CPA6: variants seen among roughly 807,000 people sequenced by gnomAD.
CPA6 encodes carboxypeptidase A6, also known as carboxypeptidase B.
In CPA6, 58 loss-of-function variants were observed where a neutral mutation model predicts 63.3. The ratio of observed to expected loss-of-function variants is 0.92; its 90% CI spans 0.74 to 1.14. The LOEUF is 1.14. Among genes scored for constraint, CPA6 ranks in the 50% most tolerant of loss-of-function variants. The pLI is 0.00. For missense variants in CPA6, 565 were observed against 526.6 expected (o/e 1.07, Z -0.71); for synonymous variants, 185 against 179.0 (o/e 1.03, Z -0.27).
At chr8:67,718,635 CAT>C (rs1817429727) in intron 1 of CPA6, among the ~76,000 whole-genome samples, 1 of 151,216 alleles carries the variant, frequency 6.6e-6, no homozygotes, top group South Asian at 2.1e-4. Context: ...GTTATCTGCA[CAT>C]AGACAGCTGA....
Position 67,620,050 on chromosome 8 carries a change from C to G in CPA6, c.192+4126G>C, listed in dbSNP as rs1815044618. On this transcript the variant is annotated intron_variant, in intron 2 of 10. Coordinates refer to ENST00000297770, the MANE Select transcript of CPA6 (RefSeq NM_020361.5). ...CTCCAGGCTTATGTGGCAGAATCCA[C>G]TTGCTTGTGTTTGGAGGACTGATGT... Among the ~76,000 whole-genome samples, 4 of 152,352 alleles carry G rather than the reference C, an allele frequency of 2.6e-5. No homozygotes were observed. The South Asian group carries it at 8.3e-4, about 32-fold the overall frequency.
intron 2 of CPA6, among the ~76,000 whole-genome samples, chr8:67,539,867 TCTAAAC>T (rs1205612753): frequency 2.0e-5 from 3 of 152,188 alleles, no homozygotes; most frequent in African/African-American, 7.2e-5. Context: ...TACGTTCTTC[TCTAAAC>T]TGGTTATTCT....
intron 6 of CPA6, among the ~76,000 whole-genome samples, chr8:67,489,692 T>C (rs1811563787): frequency 6.6e-6 from 1 of 152,172 alleles, no homozygotes; most frequent in Non-Finnish European, 1.5e-5. Flanking sequence ...ACTATATGTG[T>C]TCATTGGATT....
chr8:67,599,583 G>A (rs1166444720), intron 2 of CPA6, among the ~76,000 whole-genome samples: 1 of 152,112 alleles, frequency 6.6e-6, no homozygotes, highest in Admixed American at 6.6e-5. Flanking sequence ...CTGATCTGTT[G>A]GCCTCACTTT....
At chr8:67,669,335 T>G (rs1190055710) in intron 1 of CPA6, among the ~76,000 whole-genome samples, 1 of 152,196 alleles carries the variant, frequency 6.6e-6, no homozygotes, top group Non-Finnish European at 1.5e-5. Flanking sequence ...CAACTGATTA[T>G]TATTTCAAAA....
chr8:67,579,353 C>T (rs1454923814), intron 2 of CPA6, among the ~76,000 whole-genome samples: 7 of 152,142 alleles, frequency 4.6e-5, no homozygotes, highest in Non-Finnish European at 8.8e-5. Context: ...TTGGAGGTTG[C>T]AGTGAGCCGA....
intron 8 of CPA6, among the ~76,000 whole-genome samples, chr8:67,461,554 C>A (rs1163411243): frequency 6.6e-6 from 1 of 152,278 alleles, no homozygotes; most frequent in East Asian, 1.9e-4. Flanking sequence ...GTCATCCCGG[C>A]CCGTTCTCAA....
rs118152446 is a variant in CPA6, at chr8:67,695,436, C to T, written c.116+50578G>A. 2.4e-3 allele frequency among the ~76,000 whole-genome samples: 369 copies of T among 152,304 alleles called. 1 individual carries two copies. Among genetic ancestry groups the T allele is most frequent in the Middle Eastern group, 3.4e-3 (1 of 294 alleles). ...ACCTCTTACATCATGGAAGGGATAGCATTTTGTTATTACCCAAACAGACAT... is the reference window on the plus strand; with the variant it reads ...ACCTCTTACATCATGGAAGGGATAGTATTTTGTTATTACCCAAACAGACAT... On this transcript the variant is annotated intron_variant, in intron 1 of 10. Coordinates refer to ENST00000297770, the MANE Select transcript of CPA6 (RefSeq NM_020361.5).
intron 1 of CPA6, among the ~76,000 whole-genome samples, chr8:67,674,349 G>A (rs1351449126): frequency 6.6e-6 from 1 of 152,190 alleles, no homozygotes; most frequent in East Asian, 1.9e-4. Context: ...AAGCCCCTTA[G>A]CTGTAACAAG....
At chr8:67,648,188 C>G (rs1489605581) in intron 1 of CPA6, among the ~76,000 whole-genome samples, 1 of 149,992 alleles carries the variant, frequency 6.7e-6, no homozygotes, top group Non-Finnish European at 1.5e-5. Context: ...TATACTCTGC[C>G]TATGTACCGC....
chr8:67,447,105 C>T (rs12677200), intron 8 of CPA6, among the ~76,000 whole-genome samples: 1 of 151,388 alleles, frequency 6.6e-6, no homozygotes, highest in South Asian at 2.1e-4. Context: ...TATATATACA[C>T]ATATATATAC....
intron 2 of CPA6, chr8:67,569,879 A>T: frequency 1.1e-5 from 2 of 185,660 alleles, no homozygotes; most frequent in Non-Finnish European, 1.1e-5. Context: ...ACATTCAAGG[A>T]AACATGTAGC....
intron 2 of CPA6, among the ~76,000 whole-genome samples, chr8:67,546,235 T>A (rs1490384425): frequency 6.6e-6 from 1 of 152,188 alleles, no homozygotes; most frequent in Non-Finnish European, 1.5e-5. Flanking sequence ...CCCAGGCAAT[T>A]GTAGGAACCT....
In CPA6 at chr8:67,649,106, AT is replaced by A. The variant is rs970164774; in HGVS notation, c.117-24856del. The stretch of plus-strand genomic sequence containing the variant: ...GCAAAAGAGCAGTGCAAGGCATTGG[AT>A]TTTTTTTTTCATGGAAAGACGAAAA... On this transcript the variant is annotated intron_variant, in intron 1 of 10. Coordinates refer to ENST00000297770, the MANE Select transcript of CPA6 (RefSeq NM_020361.5). 6.3e-3 allele frequency among the ~76,000 whole-genome samples: 947 copies of A among 149,790 alleles called. 7 individuals carry two copies. The highest frequency in any genetic ancestry group is 0.02 in the African/African-American group (821 of 40,890).
At position 67,426,000 on chromosome 8, in the gene CPA6, G is replaced by C. The variant is rs1046201554; in HGVS notation, c.1126+2047C>G. 5.3e-5 allele frequency among the ~76,000 whole-genome samples: 8 copies of C among 151,666 alleles called. 1 individual carries two copies. Among genetic ancestry groups the C allele is most frequent in the African/African-American group, 1.2e-4 (5 of 41,282 alleles). On this transcript the variant is annotated intron_variant, in intron 10 of 10. Coordinates refer to ENST00000297770, the MANE Select transcript of CPA6 (RefSeq NM_020361.5). ...CAATCTCTGCTCCTGGGGTTCAAGA[G>C]ATTCTCCTGCCTCAGCCTCCTGATT...
In CPA6 at chr8:67,705,629, A is replaced by G. The variant is rs138270458; in HGVS notation, c.116+40385T>C. On this transcript the variant is annotated intron_variant, in intron 1 of 10. Transcript: ENST00000297770. ...AGATGGGTGTCTGCTTAATATTCAC[A>G]TGATCTCTGAATTCATCTTTCCCTT... Among the ~76,000 whole-genome samples the G allele has an allele frequency of 2.1e-3, 315 of 152,278 alleles. 4 individuals carry two copies. The highest frequency in any genetic ancestry group is 0.011 in the South Asian group (55 of 4,826).
At chr8:67,661,837 C>A (rs1044784208) in intron 1 of CPA6, among the ~76,000 whole-genome samples, 4 of 152,168 alleles carry the variant, frequency 2.6e-5, no homozygotes, top group African/African-American at 7.2e-5. Flanking sequence ...ACTCTGGGTA[C>A]CTCATGTAAG....
chr8:67,558,843 A>G (rs1437326057), intron 2 of CPA6, among the ~76,000 whole-genome samples: 1 of 152,214 alleles, frequency 6.6e-6, no homozygotes, highest in African/African-American at 2.4e-5. Flanking sequence ...AACTGAGGGT[A>G]CCCATAAATA....
chr8:67,614,753 T>C (rs1814901596), intron 2 of CPA6, among the ~76,000 whole-genome samples: 1 of 152,166 alleles, frequency 6.6e-6, no homozygotes, highest in Non-Finnish European at 1.5e-5. Flanking sequence ...CCCAACTCTC[T>C]AAAACTCCCA....
Sources: allele counts gnomAD v4.1 joint callset (sites outside exome capture counted in the v4.1 genomes callset), GRCh38; gene constraint gnomAD v4.1.1; transcripts MANE v1.5; gene names NCBI Gene and HGNC (gene_info 2026-07-23, HGNC 2026-07-21).